The following PAM variants were observed in gnomAD, a reference collection of about 807,000 sequenced individuals.
PAM encodes peptidylglycine alpha-amidating monooxygenase, also known as peptidyl-glycine alpha-amidating monooxygenase.
In PAM, 72 loss-of-function variants were observed where a neutral mutation model predicts 122.1. The ratio of observed to expected loss-of-function variants is 0.59; its 90% CI spans 0.49 to 0.72. The LOEUF (loss-of-function observed/expected upper bound fraction) is 0.72, where lower values mean the gene tolerates loss of function less well. PAM is among the 30% of genes least tolerant of loss of function. The probability of loss-of-function intolerance (pLI) is 0.00; values close to 1 mark genes in which losing one functional copy is unlikely to be tolerated. For synonymous variants in PAM, 389 were observed against 404.4 expected, an observed-to-expected ratio of 0.96 and a Z score of 0.46; for missense variants, 1,106 against 1,183.7, an observed-to-expected ratio of 0.93 and a Z score of 0.96.
chr5:103,026,378 C>G (rs1412524029), intron 24 of PAM, among the ~76,000 whole-genome samples: 1 of 151,968 alleles, frequency 6.6e-6, no homozygotes, highest in Non-Finnish European at 1.5e-5. Flanking sequence ...AAAGCCCTGA[C>G]ACAGAAAAAG....
At chr5:102,952,715 G>A (rs1331961697) in intron 12 of PAM, among the ~76,000 whole-genome samples, 2 of 152,118 alleles carry the variant, frequency 1.3e-5, no homozygotes, top group Non-Finnish European at 2.9e-5. Flanking sequence ...ATGTGTCTCT[G>A]TTTTATAAAA....
chr5:102,911,492 A>C (rs2151540080), intron 4 of PAM, among the ~76,000 whole-genome samples: 1 of 152,126 alleles, frequency 6.6e-6, no homozygotes, highest in South Asian at 2.1e-4. Context: ...GTCAGGAAAA[A>C]ATGTATGTCA....
intron 1 of PAM, among the ~76,000 whole-genome samples, chr5:102,782,717 CTCTCTCTCTGTGTGTGTG>C (rs956616169): frequency 6.8e-6 from 1 of 146,874 alleles, no homozygotes; most frequent in African/African-American, 2.6e-5. Flanking sequence ...CTCTCTCTCT[CTCTCTCTCTGTGTGTGTG>C]TGTGTGTGTG....
intron 1 of PAM, among the ~76,000 whole-genome samples, chr5:102,757,454 G>T (rs1416829349): frequency 1.3e-5 from 2 of 152,170 alleles, no homozygotes; most frequent in East Asian, 3.9e-4. Context: ...ACTTCATCAA[G>T]GTGCACTTGG....
At chr5:103,001,276 T>C (rs1274669990) in intron 16 of PAM, among the ~76,000 whole-genome samples, 3 of 152,146 alleles carry the variant, frequency 2.0e-5, no homozygotes, top group Non-Finnish European at 4.4e-5. Flanking sequence ...GGATAAATTA[T>C]TTGGTGTTTC....
intron 1 of PAM, among the ~76,000 whole-genome samples, chr5:102,772,049 T>G (rs1218575524): frequency 4.6e-5 from 7 of 152,130 alleles, no homozygotes. Context: ...CTATAATAGC[T>G]GCGTGACCTT....
At chr5:102,923,439 T>C (rs1245336941) in intron 5 of PAM, among the ~76,000 whole-genome samples, 1 of 152,210 alleles carries the variant, frequency 6.6e-6, no homozygotes, top group Admixed American at 6.5e-5. Flanking sequence ...CAAGAAGCTG[T>C]ATTTGTCCTT....
chr5:102,901,045 T>TA (rs752738941), intron 3 of PAM, among the ~76,000 whole-genome samples: 53 of 151,682 alleles, frequency 3.5e-4, no homozygotes, highest in Non-Finnish European at 6.9e-4. Flanking sequence ...TCAAATGCAT[T>TA]AAATTGTTCT....
intron 1 of PAM, among the ~76,000 whole-genome samples, chr5:102,856,070 T>C (rs1407234879): frequency 2.0e-5 from 3 of 152,092 alleles, no homozygotes; most frequent in Admixed American, 6.6e-5. Flanking sequence ...CCTGAAAAAT[T>C]TTACTGAAGA....
intron 3 of PAM, among the ~76,000 whole-genome samples, chr5:102,883,257 A>G (rs1024553774): frequency 3.3e-5 from 5 of 151,918 alleles, no homozygotes; most frequent in African/African-American, 1.2e-4. Flanking sequence ...TCTGTGAGCA[A>G]TGATAGTGGT....
intron 1 of PAM, among the ~76,000 whole-genome samples, chr5:102,839,467 G>C (rs187602970): frequency 3.8e-4 from 58 of 151,254 alleles, no homozygotes; most frequent in African/African-American, 1.4e-3. Flanking sequence ...AGCCCGGGAG[G>C]TGGAGGTTGC....
At chr5:102,932,333 C>A (rs1751814560) in intron 7 of PAM, among the ~76,000 whole-genome samples, 1 of 151,818 alleles carries the variant, frequency 6.6e-6, no homozygotes, top group Non-Finnish European at 1.5e-5. Flanking sequence ...ACTAAAAATA[C>A]AAAAATTAGC....
At position 103,019,348 on chromosome 5, in the gene PAM, C is replaced by T. The variant is rs150694006; in HGVS notation, c.2432-442C>T. Among the ~76,000 whole-genome samples the T allele has an allele frequency of 9.3e-4, 142 of 152,262 alleles. 1 individual carries two copies. Among genetic ancestry groups the T allele is most frequent in the African/African-American group, 3.3e-3 (139 of 41,532 alleles). On this transcript the variant is annotated intron_variant, in intron 22 of 25. Coordinates refer to ENST00000438793, the MANE Select transcript of PAM (RefSeq NM_001177306.2). Reference sequence around the variant, plus strand: ...GCAGTAAATCTGGAAAACAGTATATCTGGAACAGTAAGACTGCCACTGAAC... The same window carrying T: ...GCAGTAAATCTGGAAAACAGTATATTTGGAACAGTAAGACTGCCACTGAAC...
At chr5:102,813,965 G>A (rs1768786488) in intron 1 of PAM, among the ~76,000 whole-genome samples, 1 of 152,170 alleles carries the variant, frequency 6.6e-6, no homozygotes, top group South Asian at 2.1e-4. Context: ...AGAGAAGACT[G>A]TGCCCCATAC....
At chr5:102,952,957 C>T (rs925079974) in intron 12 of PAM, among the ~76,000 whole-genome samples, 3 of 152,154 alleles carry the variant, frequency 2.0e-5, no homozygotes, top group South Asian at 2.1e-4. Flanking sequence ...ATAAATCACA[C>T]TTAACTAAGG....
chr5:102,782,409 T>C (rs1431908335), intron 1 of PAM, among the ~76,000 whole-genome samples: 7 of 152,218 alleles, frequency 4.6e-5, no homozygotes. Flanking sequence ...TTTGAAATCC[T>C]TTATTGCAAA....
intron 12 of PAM, among the ~76,000 whole-genome samples, chr5:102,951,810 A>G (rs1025487066): frequency 6.6e-6 from 1 of 152,152 alleles, no homozygotes; most frequent in African/African-American, 2.4e-5. Context: ...AATTTCTGTT[A>G]CAGAAATAGT....
intron 16 of PAM, among the ~76,000 whole-genome samples, chr5:103,001,016 G>A (rs574946982): frequency 6.6e-6 from 1 of 152,200 alleles, no homozygotes; most frequent in Admixed American, 6.5e-5. Flanking sequence ...CAATTTGGGT[G>A]GGGACACAGC....
At chr5:102,881,155 C>CACACACACACACACACACACACAG (rs1046039847) in intron 3 of PAM, among the ~76,000 whole-genome samples, 50 of 151,216 alleles carry the variant, frequency 3.3e-4, no homozygotes, top group African/African-American at 1.2e-3. Context: ...CACACACACA[C>CACACACACACACACACACACACAG]AGAGACTTCT....
Sources: gnomAD v4.1 joint callset for allele counts (sites outside exome capture counted in the v4.1 genomes callset) on GRCh38, gnomAD v4.1.1 for gene constraint, MANE v1.5 for transcripts, NCBI Gene and HGNC (gene_info 2026-07-23, HGNC 2026-07-21) for gene names.